Variants in ZBTB44 observed in about 807,000 individuals in gnomAD.
The protein encoded by ZBTB44 is zinc finger and BTB domain-containing protein 44.
In ZBTB44, 15 loss-of-function variants were observed where a neutral mutation model predicts 54.0. The observed-to-expected ratio is 0.28, with a 90% CI of 0.19 to 0.43. The LOEUF is 0.43. Ranked by LOEUF, ZBTB44 falls within the 20% of genes least tolerant of loss-of-function variation. ZBTB44 has a pLI of 1.00. For missense variants in ZBTB44, 487 were observed against 707.1 expected, an observed-to-expected ratio of 0.69 and a Z score of 3.53; for synonymous variants, 230 against 250.1, an observed-to-expected ratio of 0.92 and a Z score of 0.76.
chr11:130,308,551 T>C (rs768608439), intron 1 of ZBTB44, among the ~76,000 whole-genome samples: 3 of 152,224 alleles, frequency 2.0e-5, no homozygotes, highest in African/African-American at 4.8e-5. Context: ...ATGTGAGATT[T>C]AAATAAGATA....
Position 130,229,325 on chromosome 11 carries a change from C to G in ZBTB44, c.*2439G>C, listed in dbSNP as rs1953791292. On this transcript the variant is annotated 3_prime_UTR_variant, in exon 8 of 8. Coordinates refer to ENST00000357899, the MANE Select transcript of ZBTB44 (RefSeq NM_001301098.2). Reference sequence around the variant, plus strand: ...GGTACTACAAGTCTTCATCCCATAACTGACACAGGCTTAACCCCCCATAAA... The same window carrying G: ...GGTACTACAAGTCTTCATCCCATAAGTGACACAGGCTTAACCCCCCATAAA... The G allele has an allele frequency of 6.6e-6, 1 of 152,136 alleles. No individual in the cohort carries two copies. The highest frequency in any genetic ancestry group is 1.9e-4 in the East Asian group (1 of 5,204). The allele number at this position is 152,136 out of a possible 1,614,324, so 9.4% of individuals were successfully genotyped here.
chr11:130,259,065 A>G (rs1050741572), intron 2 of ZBTB44, among the ~76,000 whole-genome samples: 4 of 152,212 alleles, frequency 2.6e-5, no homozygotes, highest in South Asian at 2.1e-4. Flanking sequence ...TGCTCAAGAA[A>G]ATAAGAGAGG....
intron 1 of ZBTB44, among the ~76,000 whole-genome samples, chr11:130,270,311 T>C (rs1384218558): frequency 1.3e-5 from 2 of 152,084 alleles, no homozygotes; most frequent in African/African-American, 4.8e-5. Context: ...ACAGAAAAGG[T>C]TAAGGAGAGG....
intron 1 of ZBTB44, among the ~76,000 whole-genome samples, chr11:130,306,927 A>G (rs968801542): frequency 6.6e-6 from 1 of 152,052 alleles, no homozygotes; most frequent in East Asian, 1.9e-4. Context: ...AAAAGACTAC[A>G]CATTGGGTAC....
At chr11:130,275,651 C>CA (rs1410800072) in intron 1 of ZBTB44, among the ~76,000 whole-genome samples, 1 of 151,702 alleles carries the variant, frequency 6.6e-6, no homozygotes, top group Non-Finnish European at 1.5e-5. Context: ...TTTTTTGAGA[C>CA]AGAGTCTCAC....
chr11:130,301,490 C>A (rs1350338599), intron 1 of ZBTB44, among the ~76,000 whole-genome samples: 1 of 152,016 alleles, frequency 6.6e-6, no homozygotes, highest in African/African-American at 2.4e-5. Context: ...CACGTAGATG[C>A]GGGCATCTAC....
chr11:130,285,285 G>GTTCTCTT (rs1940870166), intron 1 of ZBTB44: 3 of 123,608 alleles, frequency 2.4e-5, no homozygotes, highest in African/African-American at 9.1e-5. Flanking sequence ...AGTTATTCTT[G>GTTCTCTT]TTTTCTTTTT....
chr11:130,253,966 G>C (rs1938229875), intron 2 of ZBTB44, among the ~76,000 whole-genome samples: 1 of 152,206 alleles, frequency 6.6e-6, no homozygotes, highest in Non-Finnish European at 1.5e-5. Flanking sequence ...AAGAAATGGG[G>C]AAAGGATTCC....
At chr11:130,309,409 T>C (rs1942460060) in intron 1 of ZBTB44, among the ~76,000 whole-genome samples, 1 of 152,206 alleles carries the variant, frequency 6.6e-6, no homozygotes. Context: ...TGCCTAATTG[T>C]GCTCTGCTTA....
At position 130,237,038 on chromosome 11, in the gene ZBTB44, C is replaced by G. The variant is rs1344417683; in HGVS notation, c.1323G>C (p.Ser441=). ...RCGKKFTRAY[S]LKMHRLKHEG... ...CATGCTTTAGGCGATGCATCTTTAGCGAGTAAGCCCTGGTGAACTTTTTCC... is the reference window on the plus strand; with the variant it reads ...CATGCTTTAGGCGATGCATCTTTAGGGAGTAAGCCCTGGTGAACTTTTTCC... The change falls in exon 5 of 8, where the codon TCG becomes TCC. Residue 441 remains serine, a synonymous_variant. Transcript: ENST00000357899. 2 of 1,605,618 alleles carry G rather than the reference C, an allele frequency of 1.2e-6. No homozygotes were observed. The highest frequency in any genetic ancestry group is 1.1e-5 in the South Asian group (1 of 90,000).
rs920454355 is a variant in ZBTB44, at chr11:130,261,446, G to A, written c.428C>T (p.Ala143Val). The change falls in exon 2 of 8, where the codon GCT (alanine) becomes GTT (valine). Residue 143 changes from alanine (A) to valine (V), a missense_variant. Transcript: ENST00000357899. The surrounding 1 kb of genome is among the most constrained non-coding windows in gnomAD (Gnocchi z 4.8). ...PNSQPEKGLD[A>V]GQENNSNCNF... ...GCAGTTAGAATTATTTTCTTGTCCAGCATCTAGACCCTTTTCAGGTTGGCT... is the reference window on the plus strand; with the variant it reads ...GCAGTTAGAATTATTTTCTTGTCCAACATCTAGACCCTTTTCAGGTTGGCT... 6.2e-7 allele frequency: 1 copy of A among 1,613,968 alleles called. No individual in the cohort carries two copies. Among genetic ancestry groups the A allele is most frequent in the Non-Finnish European group, 8.5e-7 (1 of 1,179,886 alleles).
intron 2 of ZBTB44, among the ~76,000 whole-genome samples, chr11:130,241,926 G>C (rs970357192): frequency 6.6e-6 from 1 of 152,086 alleles, no homozygotes; most frequent in Admixed American, 6.5e-5. Context: ...ACATAGGTCT[G>C]TTTTCGGGTT....
At chr11:130,266,955 A>T (rs951801051) in intron 1 of ZBTB44, among the ~76,000 whole-genome samples, 1 of 152,168 alleles carries the variant, frequency 6.6e-6, no homozygotes, top group African/African-American at 2.4e-5. Flanking sequence ...AGTCCAATTT[A>T]AAAAAATTTT....
intron 2 of ZBTB44, among the ~76,000 whole-genome samples, chr11:130,240,364 T>A (rs1034576801): frequency 6.6e-6 from 1 of 152,118 alleles, no homozygotes; most frequent in Non-Finnish European, 1.5e-5. Context: ...TAAATGTTTG[T>A]GATTTTAAAG....
In ZBTB44 at chr11:130,294,686, C is replaced by T. The variant is rs1007098180; in HGVS notation, c.-57+19689G>A. Among the ~76,000 whole-genome samples the T allele has an allele frequency of 6.6e-5, 10 of 152,106 alleles. No individual in the cohort carries two copies. In the South Asian group the frequency reaches 2.1e-3, roughly 32 times the overall value. The stretch of plus-strand genomic sequence containing the variant: ...TTTTGCAATCAGACCTTAGCGATGA[C>T]CTTGAGCAGGACAGAAATAACTCCC... On this transcript the variant is annotated intron_variant, in intron 1 of 7. Transcript: ENST00000357899.
intron 1 of ZBTB44, among the ~76,000 whole-genome samples, chr11:130,300,836 C>A (rs1181594824): frequency 6.6e-6 from 1 of 152,078 alleles, no homozygotes; most frequent in Non-Finnish European, 1.5e-5. Context: ...GAAGTGAAAA[C>A]TGTGAGTAAA....
intron 6 of ZBTB44, chr11:130,233,786 G>A (rs893770675): frequency 1.6e-5 from 19 of 1,162,280 alleles, no homozygotes; most frequent in Non-Finnish European, 1.9e-5. Flanking sequence ...TCAACATCAT[G>A]TTATTGTGTA....
chr11:130,237,706 TC>T (rs1398437111), intron 4 of ZBTB44, among the ~76,000 whole-genome samples: 3 of 152,202 alleles, frequency 2.0e-5, no homozygotes, highest in African/African-American at 7.2e-5. Context: ...TTAAAACCTT[TC>T]AAAACACAGT....
At chr11:130,239,121 C>T (rs1382433108) in intron 3 of ZBTB44, 2 of 152,514 alleles carry the variant, frequency 1.3e-5, no homozygotes, top group African/African-American at 4.8e-5. Flanking sequence ...GCAGAGTTGA[C>T]AGGACTTAAG....
Sources: allele counts gnomAD v4.1 joint callset (sites outside exome capture counted in the v4.1 genomes callset), GRCh38; gene constraint gnomAD v4.1.1; non-coding constraint Gnocchi (gnomAD v3.1); transcripts MANE v1.5; gene names NCBI Gene and HGNC (gene_info 2026-07-23, HGNC 2026-07-21).